The following TRPC4 variants were observed in gnomAD, a reference collection of about 807,000 sequenced individuals.
TRPC4 encodes the protein short transient receptor potential channel 4.
Under a neutral mutation model 99.4 loss-of-function variants are expected in TRPC4, and 49 were observed. The observed-to-expected ratio is 0.49, with a 90% confidence interval of 0.39 to 0.63. The LOEUF (loss-of-function observed/expected upper bound fraction) is 0.63, where lower values mean the gene tolerates loss of function less well. Among genes scored for constraint, TRPC4 ranks in the 20% least tolerant of loss-of-function variants. The pLI is 0.00. For synonymous variants in TRPC4, 454 were observed against 425.9 expected (o/e 1.07, Z -0.81); for missense variants, 898 against 1,152.9 (o/e 0.78, Z 3.20).
At chr13:37,748,404 T>G (rs569887323) in intron 2 of TRPC4, among the ~76,000 whole-genome samples, 5 of 152,288 alleles carry the variant, frequency 3.3e-5, no homozygotes, top group Non-Finnish European at 5.9e-5. Flanking sequence ...CCATAAAATA[T>G]ATCTTTATAG....
rs1566188981 is a variant in TRPC4, at chr13:37,812,196, C to CAAAAAAAAAAAAAAA, written c.-27-28837_-27-28836insTTTTTTTTTTTTTTT. 1.1e-3 allele frequency among the ~76,000 whole-genome samples: 40 copies of CAAAAAAAAAAAAAAA among 35,532 alleles called. 2 individuals are homozygous for CAAAAAAAAAAAAAAA. Among genetic ancestry groups the CAAAAAAAAAAAAAAA allele is most frequent in the African/African-American group, 3.9e-3 (39 of 9,974 alleles). The allele number at this position is 35,532 out of a possible 152,430, so 23.3% of individuals were successfully genotyped here. On this transcript the variant is annotated intron_variant, in intron 1 of 10. Coordinates refer to ENST00000379705, the MANE Select transcript of TRPC4 (RefSeq NM_016179.4). ...TCTATCAAAAAAAAAAAAAAAAAAA[C>CAAAAAAAAAAAAAAA]CAGGAGATCTAATTGCTTCAAGTAA... is the stretch of plus-strand genomic sequence containing the variant.
Position 37,783,225 on chromosome 13 carries a change from A to T in TRPC4, c.109T>A (p.Leu37Met), listed in dbSNP as rs777267356. ...SELSPSEKAY[L>M]NAVEKGDYAS... ...TAATCTCCCTTTTCCACAGCATTCA[A>T]GTAGGCTTTTTCTGATGGCGAGAGT... The change falls in exon 2 of 11, where the codon TTG becomes ATG. Residue 37 changes from leucine (L) to methionine (M), a missense_variant. Physicochemically the swap from Leu to Met is conservative, Grantham distance 15 (BLOSUM62 2). Around this residue, in one of 3 missense-constraint regions of TRPC4, gnomAD observed 278 missense variants for 346.6 expected, o/e 0.80. Transcript: ENST00000379705. The T allele has an allele frequency of 1.2e-6, 2 of 1,613,692 alleles. No homozygotes were observed. Among genetic ancestry groups the T allele is most frequent in the East Asian group, 4.5e-5 (2 of 44,826 alleles).
intron 4 of TRPC4, among the ~76,000 whole-genome samples, chr13:37,683,650 A>G (rs1214969597): frequency 3.9e-5 from 6 of 152,144 alleles, no homozygotes; most frequent in African/African-American, 1.2e-4. Context: ...CAGGACAACC[A>G]ACCAAGAAAG....
At position 37,768,407 on chromosome 13, in the gene TRPC4, T is replaced by C. The variant is rs529285259; in HGVS notation, c.378+14549A>G. 1.6e-4 allele frequency among the ~76,000 whole-genome samples: 25 copies of C among 151,552 alleles called. No homozygotes were observed. In the South Asian group the frequency reaches 3.5e-3, roughly 21 times the overall value. ...GGGCTTTCCAGGCAAAAGAAAACTG[T>C]TGGAGGGACATTCTTACTCTTCCTG... On this transcript the variant is annotated intron_variant, in intron 2 of 10. Coordinates refer to ENST00000379705, the MANE Select transcript of TRPC4 (RefSeq NM_016179.4).
chr13:37,677,749 C>A (rs1219341167), intron 4 of TRPC4, among the ~76,000 whole-genome samples: 7 of 152,050 alleles, frequency 4.6e-5, no homozygotes, highest in African/African-American at 1.7e-4. Context: ...ACCAACAGAA[C>A]CAGTAGACAG....
intron 3 of TRPC4, 47 bp from the exon 4 acceptor site, chr13:37,692,382 G>C (rs781376992): frequency 3.3e-6 from 5 of 1,506,396 alleles, no homozygotes; most frequent in Admixed American, 3.9e-5. Context: ...CAGTTACATG[G>C]AGTGGCCTCA....
intron 3 of TRPC4, among the ~76,000 whole-genome samples, chr13:37,743,041 G>A (rs370408838): frequency 7.9e-5 from 12 of 152,028 alleles, no homozygotes; most frequent in African/African-American, 2.2e-4. Flanking sequence ...TAAGAATTTC[G>A]TTTTCATTTT....
chr13:37,830,144 T>C (rs1300958226), intron 1 of TRPC4, among the ~76,000 whole-genome samples: 1 of 152,144 alleles, frequency 6.6e-6, no homozygotes, highest in Non-Finnish European at 1.5e-5. Context: ...TCTTATGGTA[T>C]GTGAATTATA....
At chr13:37,696,027 G>A (rs7332772) in intron 3 of TRPC4, among the ~76,000 whole-genome samples, 81,668 of 152,050 alleles carry the variant, frequency 0.54, 22,327 homozygotes, top group African/African-American at 0.62. Flanking sequence ...ACCCGAAACT[G>A]GGCACTTTAC....
At chr13:37,699,689 A>G (rs1212729213) in intron 3 of TRPC4, among the ~76,000 whole-genome samples, 2 of 152,228 alleles carry the variant, frequency 1.3e-5, no homozygotes, top group East Asian at 3.9e-4. Flanking sequence ...TTTCTTAAAT[A>G]TACATGTTAA....
At chr13:37,659,703 T>C (rs1393175799) in intron 6 of TRPC4, among the ~76,000 whole-genome samples, 1 of 152,138 alleles carries the variant, frequency 6.6e-6, no homozygotes, top group Admixed American at 6.6e-5. Flanking sequence ...GCAGGGGTAC[T>C]TAGATTTGGG....
intron 1 of TRPC4, among the ~76,000 whole-genome samples, chr13:37,818,423 C>A (rs566635536): frequency 6.6e-6 from 1 of 152,144 alleles, no homozygotes; most frequent in East Asian, 1.9e-4. Context: ...ACCAGAAATA[C>A]CATTTGACCC....
intron 6 of TRPC4, among the ~76,000 whole-genome samples, chr13:37,659,906 T>C (rs1566075635): frequency 6.6e-6 from 1 of 152,146 alleles, no homozygotes; most frequent in Non-Finnish European, 1.5e-5. Context: ...GAAGAATATG[T>C]TTTAGAGAGA....
At chr13:37,746,578 TTTGTAGGAGAGATATGGTC>T in intron 2 of TRPC4, 123 bp from the exon 3 acceptor site, 1 of 1,140,130 alleles carries the variant, frequency 8.8e-7, no homozygotes, top group African/African-American at 1.6e-5. Flanking sequence ...TTTTTTTTTT[TTTGTAGGAGAGATATGGTC>T]TTTTCCCCTA....
At chr13:37,683,850 A>G (rs1953349989) in intron 4 of TRPC4, among the ~76,000 whole-genome samples, 1 of 152,168 alleles carries the variant, frequency 6.6e-6, no homozygotes, top group South Asian at 2.1e-4. Context: ...CTTTATTGGG[A>G]AGAGAAGATC....
At chr13:37,826,339 T>C (rs1958206741) in intron 1 of TRPC4, among the ~76,000 whole-genome samples, 1 of 110,746 alleles carries the variant, frequency 9.0e-6, no homozygotes, top group Non-Finnish European at 1.8e-5. Flanking sequence ...GTGATTTTGC[T>C]CGTTAGTTGA....
At chr13:37,646,643 G>T (rs967495212) in intron 8 of TRPC4, among the ~76,000 whole-genome samples, 1 of 152,178 alleles carries the variant, frequency 6.6e-6, no homozygotes, top group African/African-American at 2.4e-5. Flanking sequence ...GTCTTGAATA[G>T]AAATGTCTAG....
chr13:37,645,041 A>G (rs750032355), intron 8 of TRPC4, among the ~76,000 whole-genome samples: 8 of 151,084 alleles, frequency 5.3e-5, no homozygotes, highest in Non-Finnish European at 8.8e-5. Context: ...AATATTTTGG[A>G]AGAAGTTCTC....
At chr13:37,818,589 G>A (rs1473703824) in intron 1 of TRPC4, among the ~76,000 whole-genome samples, 1 of 152,030 alleles carries the variant, frequency 6.6e-6, no homozygotes, top group Non-Finnish European at 1.5e-5. Context: ...AAGAAAATAT[G>A]GCACATATAC....
Sources: gnomAD v4.1 joint callset for allele counts (sites outside exome capture counted in the v4.1 genomes callset) on GRCh38, gnomAD v4.1.1 for gene constraint, gnomAD v4.1.1 regional missense constraint, MANE v1.5 for transcripts, NCBI Gene and HGNC (gene_info 2026-07-23, HGNC 2026-07-21) for gene names.